Variants in WDR62 observed in about 807,000 individuals in gnomAD.
WDR62 encodes WD repeat-containing protein 62.
In WDR62, 112 loss-of-function variants were observed where a neutral mutation model predicts 160.6. That is an observed-to-expected ratio of 0.70 (90% CI 0.60 to 0.82). WDR62 has a LOEUF of 0.82. WDR62 is among the 40% of genes least tolerant of loss of function. The pLI, the probability that WDR62 is intolerant of heterozygous loss-of-function variation, is 0.00. For synonymous variants in WDR62, 792 were observed against 815.1 expected, an observed-to-expected ratio of 0.97 and a Z score of 0.48; for missense variants, 1,819 against 1,983.8, an observed-to-expected ratio of 0.92 and a Z score of 1.58.
At chr19:36,066,118 C>A in intron 4 of WDR62, 103 bp downstream of exon 4, 2 of 1,580,658 alleles carry the variant, frequency 1.3e-6, no homozygotes, top group South Asian at 1.1e-5. Context: ...TAGCTCCTTC[C>A]TGGGCCAGAA....
intron 5 of WDR62, among the ~76,000 whole-genome samples, chr19:36,066,988 G>A (rs1970975242): frequency 6.6e-6 from 1 of 152,210 alleles, no homozygotes; most frequent in African/African-American, 2.4e-5. Context: ...ATCTGTGACA[G>A]CCATAGGTTG....
intron 10 of WDR62, chr19:36,081,889 T>C (rs1971923943): frequency 2.0e-6 from 1 of 505,120 alleles, no homozygotes; most frequent in African/African-American, 1.9e-5. Flanking sequence ...TGAGATGGAA[T>C]TCCCTGGGAG....
chr19:36,084,833 G>A, intron 12 of WDR62, 89 bp downstream of exon 12: 1 of 1,248,652 alleles, frequency 8.0e-7, no homozygotes, highest in South Asian at 1.2e-5. Flanking sequence ...GTGTCTGGTG[G>A]GACTGTGGAT....
Position 36,101,195 on chromosome 19 carries a change from G to A in WDR62, c.2868-19G>A, listed in dbSNP as rs759760384. On this transcript the variant is annotated intron_variant, in intron 23 of 31. Transcript: ENST00000401500. Reference sequence around the variant, plus strand: ...CAGCTGAAGTCCTTGTTCCCTCTCTGCCCCCACTGGCACTGCAGCCAGTAT... The same window carrying A: ...CAGCTGAAGTCCTTGTTCCCTCTCTACCCCCACTGGCACTGCAGCCAGTAT... 2.5e-6 allele frequency: 4 copies of A among 1,600,810 alleles called. No homozygotes were observed. The highest frequency in any genetic ancestry group is 1.3e-5 in the African/African-American group (1 of 74,830).
chr19:36,085,318 G>A (rs1972145369), intron 12 of WDR62, among the ~76,000 whole-genome samples: 1 of 150,846 alleles, frequency 6.6e-6, no homozygotes, highest in South Asian at 2.1e-4. Flanking sequence ...GTTTCACCAT[G>A]TTGGCCAGGT....
downstream of WDR62, among the ~76,000 whole-genome samples, chr19:36,109,095 C>T (rs1973760261): frequency 6.6e-6 from 1 of 152,120 alleles, no homozygotes; most frequent in Non-Finnish European, 1.5e-5. Flanking sequence ...CTCAGCACTG[C>T]CACCCTTGCT....
intron 23 of WDR62, 45 bp downstream of exon 23, chr19:36,100,920 C>T (rs918048456): frequency 2.7e-5 from 44 of 1,613,268 alleles, no homozygotes; most frequent in Non-Finnish European, 3.6e-5. Context: ...GAGGAACCCC[C>T]AGCTGATAGC....
At chr19:36,097,547 C>T (rs1241696885) in intron 21 of WDR62, among the ~76,000 whole-genome samples, 1 of 151,544 alleles carries the variant, frequency 6.6e-6, no homozygotes, top group Non-Finnish European at 1.5e-5. Context: ...CACTACTACA[C>T]TCCAGCGTGG....
rs756701655 is a variant in WDR62 at position 36,104,729 on chromosome 19, G to A, written c.4312-39G>A. 3.5e-5 allele frequency: 56 copies of A among 1,613,698 alleles called. 2 individuals are homozygous for A. In the South Asian group the frequency reaches 3.6e-4, roughly 10 times the overall value. On this transcript the variant is annotated intron_variant, in intron 31 of 31. Coordinates refer to ENST00000401500, the MANE Select transcript of WDR62 (RefSeq NM_001083961.2). Reference sequence around the variant, plus strand: ...GTTGAGGGGTCTCTTGAGACCGCCCGGCCTTGGTGGCCCCTGACAAGGCTG... The same window carrying A: ...GTTGAGGGGTCTCTTGAGACCGCCCAGCCTTGGTGGCCCCTGACAAGGCTG...
At chr19:36,100,694 G>A (rs1973273490) in intron 22 of WDR62, 54 bp from the exon 23 acceptor site, 1 of 1,610,698 alleles carries the variant, frequency 6.2e-7, no homozygotes, top group Non-Finnish European at 8.5e-7. Context: ...CTGGCGCACT[G>A]TTGGTGGCCC....
chr19:36,067,953 G>A lies in WDR62; in HGVS notation c.825G>A (p.Ser275=), dbSNP rs374780168. The A allele has an allele frequency of 1.7e-5, 27 of 1,614,004 alleles. No individual in the cohort carries two copies. The highest frequency in any genetic ancestry group is 5.0e-5 in the Admixed American group (3 of 60,002). Residue 275 remains serine, a synonymous_variant, in exon 7 of 32, where the codon TCG becomes TCA. Coordinates refer to ENST00000401500, the MANE Select transcript of WDR62 (RefSeq NM_001083961.2). ...GCAGTACCTTCTGTGTGTCCTACTC[G>A]GGCCTCCTCTGCCAGTTCAATGAGA... ...MAGSTFCVSY[S]GLLCQFNEKR...
At chr19:36,070,844 T>G (rs1412124375) in intron 7 of WDR62, 1 of 152,742 alleles carries the variant, frequency 6.5e-6, no homozygotes, top group East Asian at 1.9e-4. Context: ...TTCTAGATAC[T>G]GTAACTTTTT....
chr19:36,091,199 G>A lies in WDR62; in HGVS notation c.2035-1G>A. 1 of 1,612,148 alleles carries A rather than the reference G, an allele frequency of 6.2e-7. No homozygotes were observed. The highest frequency in any genetic ancestry group is 8.5e-7 in the Non-Finnish European group (1 of 1,179,812). ...TGACATGTGGGTCCCTTTCCTGGCA[G>A]GTCCATGTGGACCCCTCAGGCACCT... is the stretch of plus-strand genomic sequence containing the variant. On this transcript the variant is annotated splice_acceptor_variant, in intron 16 of 31. Coordinates refer to ENST00000401500, the MANE Select transcript of WDR62 (RefSeq NM_001083961.2). LOFTEE classifies it high-confidence loss of function.
chr19:36,067,742 TCTC>T, intron 6 of WDR62, 83 bp from the exon 7 acceptor site: 1 of 1,456,392 alleles, frequency 6.9e-7, no homozygotes, highest in Admixed American at 1.7e-5. Flanking sequence ...TTCTTAGAGT[TCTC>T]CTGTTTTGTT....
rs563479693 is a variant in WDR62, at chr19:36,066,056, G to A, written c.390+41G>A. 2.3e-5 allele frequency: 37 copies of A among 1,610,646 alleles called. No individual in the cohort carries two copies. In the East Asian group the frequency reaches 7.6e-4, roughly 33 times the overall value. On this transcript the variant is annotated intron_variant, in intron 4 of 31. Transcript: ENST00000401500. ...GACTGAGTGGGAGTCGGGGGCTGGG[G>A]GGTCTTGGAAGCCATTCCTTCTGCT...
downstream of WDR62, among the ~76,000 whole-genome samples, chr19:36,106,197 T>C (rs773536842): frequency 2.6e-5 from 4 of 151,978 alleles, no homozygotes; most frequent in South Asian, 8.3e-4. Flanking sequence ...ACATGGGGTG[T>C]CTGCTAAAAA....
At chr19:36,076,977 GTA>G (rs141210875) in intron 9 of WDR62, among the ~76,000 whole-genome samples, 1,605 of 150,998 alleles carry the variant, frequency 0.011, 28 homozygotes, top group African/African-American at 0.037. Context: ...GTGTGTGTGT[GTA>G]TATATATATA....
chr19:36,099,179 G>GCCACTGCA (rs1973160433), intron 21 of WDR62, among the ~76,000 whole-genome samples: 1 of 135,996 alleles, frequency 7.4e-6, no homozygotes, highest in African/African-American at 2.8e-5. Flanking sequence ...CCAAGGTCAC[G>GCCACTGCA]CCACTGCACT....
At chr19:36,081,936 G>A in intron 10 of WDR62, 1 of 467,042 alleles carries the variant, frequency 2.1e-6, no homozygotes, top group East Asian at 6.4e-5. Context: ...CTGCCACACA[G>A]TGAGGCCTCA....
Sources: gnomAD v4.1 joint callset for allele counts (sites outside exome capture counted in the v4.1 genomes callset) on GRCh38, gnomAD v4.1.1 for gene constraint, MANE v1.5 for transcripts, NCBI Gene and HGNC (gene_info 2026-07-23, HGNC 2026-07-21) for gene names.